Variants in DAB1 observed in about 807,000 individuals in gnomAD.
The protein encoded by DAB1 is DAB adaptor protein 1.
In DAB1, 15 loss-of-function variants were observed where a neutral mutation model predicts 64.6. The ratio of observed to expected loss-of-function variants is 0.23; its 90% CI spans 0.16 to 0.36. The LOEUF is 0.36. Among genes scored for constraint, DAB1 ranks in the 10% least tolerant of loss-of-function variants. DAB1 has a pLI of 1.00. For synonymous variants in DAB1, 235 were observed against 251.9 expected, an observed-to-expected ratio of 0.93 and a Z score of 0.64; for missense variants, 596 against 706.7, an observed-to-expected ratio of 0.84 and a Z score of 1.78.
chr1:57,605,979 T>C (rs1645631400), intron 7 of DAB1: 1 of 679,996 alleles, frequency 1.5e-6, no homozygotes, highest in Non-Finnish European at 2.7e-6. Context: ...AACGACCTCA[T>C]GTCTTAGAAC....
At chr1:57,436,117 G>A (rs36075242) in intron 7 of DAB1, among the ~76,000 whole-genome samples, 29,530 of 151,636 alleles carry the variant, frequency 0.19, 3,039 homozygotes, top group African/African-American at 0.26. Context: ...GGGTTGCACC[G>A]TATTAGTCAG....
chr1:57,280,292 T>C (rs1193437642), intron 2 of DAB1, among the ~76,000 whole-genome samples: 1 of 152,242 alleles, frequency 6.6e-6, no homozygotes, highest in African/African-American at 2.4e-5. Context: ...TTGATCTATG[T>C]GTGTTCTTTT....
At chr1:58,124,394 T>C (rs1458554741) in intron 5 of DAB1, among the ~76,000 whole-genome samples, 1 of 152,124 alleles carries the variant, frequency 6.6e-6, no homozygotes, top group African/African-American at 2.4e-5. Context: ...CAAGTCATCA[T>C]TTTCAACATT....
rs577291340 is a variant in DAB1, at chr1:58,327,587, T to A, written n.309+15765A>T. On this transcript the variant is annotated intron_variant and non_coding_transcript_variant, in intron 4 of 20. Coordinates refer to the DAB1 transcript ENST00000485760. ...TTGTGCTTGTTGCTTCTCCCCCTAT[T>A]TGTAATTAGCTATGGGGATGCGAAT... Among the ~76,000 whole-genome samples, 5 of 152,260 alleles carry A rather than the reference T, an allele frequency of 3.3e-5. No homozygotes were observed. In the South Asian group the frequency reaches 1.0e-3, roughly 32 times the overall value.
chr1:57,695,368 GAAAGA>G (rs1557427783), intron 6 of DAB1, among the ~76,000 whole-genome samples: 144 of 48,392 alleles, frequency 3.0e-3, no homozygotes, highest in Non-Finnish European at 4.2e-3. Context: ...AAAGAAGAAA[GAAAGA>G]AAGAAAGAAA....
At chr1:57,033,543 G>A (rs780804306) in intron 9 of DAB1, 35 of 1,612,660 alleles carry the variant, frequency 2.2e-5, no homozygotes, top group Middle Eastern at 1.6e-4. Flanking sequence ...GCAGCAAACC[G>A]TTCTTCAAAA....
chr1:57,109,693 C>A (rs1478306449), intron 4 of DAB1, among the ~76,000 whole-genome samples: 1 of 152,176 alleles, frequency 6.6e-6, no homozygotes. Flanking sequence ...ATTGCTCACC[C>A]AACCCTCCTC....
intron 3 of DAB1, among the ~76,000 whole-genome samples, chr1:58,474,566 A>G (rs922119670): frequency 4.6e-5 from 7 of 152,212 alleles, no homozygotes; most frequent in African/African-American, 1.4e-4. Flanking sequence ...GGTCAACTGT[A>G]TGTTCCTGAG....
At chr1:58,417,123 T>C (rs546995128) in intron 3 of DAB1, among the ~76,000 whole-genome samples, 5 of 152,376 alleles carry the variant, frequency 3.3e-5, no homozygotes, top group South Asian at 4.1e-4. Context: ...GCTGTACACA[T>C]GGGAGGGCAT....
chr1:57,437,700 G>A (rs1018806146), intron 7 of DAB1, among the ~76,000 whole-genome samples: 6 of 152,050 alleles, frequency 3.9e-5, no homozygotes, highest in African/African-American at 1.4e-4. Context: ...CCCCACAAGT[G>A]CACTGTAAAA....
chr1:58,300,572 G>GAAAGAA (rs1662103433), intron 4 of DAB1, among the ~76,000 whole-genome samples: 1 of 13,912 alleles, frequency 7.2e-5, no homozygotes, highest in South Asian at 3.6e-3. Context: ...AAGAAAGAAA[G>GAAAGAA]AAAGAAAGAA....
intron 2 of DAB1, among the ~76,000 whole-genome samples, chr1:57,277,129 C>T (rs371942943): frequency 6.6e-6 from 1 of 152,196 alleles, no homozygotes; most frequent in Non-Finnish European, 1.5e-5. Flanking sequence ...CACCTTCACA[C>T]ATGTACTCAG....
chr1:57,204,672 A>G (rs1459524471), intron 2 of DAB1, among the ~76,000 whole-genome samples: 1 of 152,162 alleles, frequency 6.6e-6, no homozygotes, highest in Non-Finnish European at 1.5e-5. Context: ...TGTATGGGGG[A>G]AATCATAATA....
At chr1:57,233,294 G>T (rs6667097) in intron 2 of DAB1, among the ~76,000 whole-genome samples, 3 of 66,182 alleles carry the variant, frequency 4.5e-5, no homozygotes, top group African/African-American at 9.0e-5. Context: ...ACGGAGTCTC[G>T]CTCTGTCGCC....
intron 14 of DAB1, among the ~76,000 whole-genome samples, chr1:57,000,734 A>G (rs749022199): frequency 7.2e-5 from 11 of 152,288 alleles, no homozygotes; most frequent in Non-Finnish European, 1.2e-4. Context: ...TGTTTCCTGG[A>G]TAGATGTTCT....
At chr1:58,322,617 T>G (rs1391985931) in intron 4 of DAB1, among the ~76,000 whole-genome samples, 1 of 152,110 alleles carries the variant, frequency 6.6e-6, no homozygotes, top group Non-Finnish European at 1.5e-5. Flanking sequence ...TGTGGAGAAA[T>G]AGGAATGCTT....
At chr1:58,280,055 C>A (rs373997000) in intron 4 of DAB1, among the ~76,000 whole-genome samples, 2 of 152,024 alleles carry the variant, frequency 1.3e-5, no homozygotes, top group African/African-American at 4.8e-5. Flanking sequence ...TACCTTCAGC[C>A]AAGCAGCAGA....
intron 6 of DAB1, among the ~76,000 whole-genome samples, chr1:57,752,157 T>C (rs1267158010): frequency 6.6e-6 from 1 of 152,240 alleles, no homozygotes; most frequent in African/African-American, 2.4e-5. Context: ...TCTCCGCTCA[T>C]ATAATTTCTG....
At chr1:57,175,222 T>C (rs1662174880) in intron 2 of DAB1, among the ~76,000 whole-genome samples, 1 of 152,038 alleles carries the variant, frequency 6.6e-6, no homozygotes, top group Non-Finnish European at 1.5e-5. Context: ...TAACTTGTGA[T>C]AAAAAGATCT....
Sources: allele counts gnomAD v4.1 joint callset (sites outside exome capture counted in the v4.1 genomes callset), GRCh38; gene constraint gnomAD v4.1.1; transcripts MANE v1.5; gene names NCBI Gene and HGNC (gene_info 2026-07-23, HGNC 2026-07-21).